Variants in CBLIF observed in about 807,000 individuals in gnomAD.
CBLIF encodes the protein gastric intrinsic factor (vitamin B synthesis).
A neutral mutation model predicts 44.9 loss-of-function variants in CBLIF; 24 were observed. The observed-to-expected ratio is 0.53, with a 90% confidence interval of 0.39 to 0.75. The LOEUF (loss-of-function observed/expected upper bound fraction) is 0.75. Among genes scored for constraint, CBLIF ranks in the 30% least tolerant of loss-of-function variants. CBLIF has a pLI of 0.00. For synonymous variants in CBLIF, 183 were observed against 190.9 expected (o/e 0.96, Z 0.34); for missense variants, 481 against 513.0 (o/e 0.94, Z 0.60).
intron 7 of CBLIF, among the ~76,000 whole-genome samples, chr11:59,834,271 T>G (rs1420887351): frequency 7.7e-6 from 1 of 130,198 alleles, no homozygotes; most frequent in Non-Finnish European, 1.6e-5. Context: ...TTTCTTTCTT[T>G]CTTTCTTTCT....
At chr11:59,842,411 T>G in intron 4 of CBLIF, 32 bp downstream of exon 4, 1 of 1,612,056 alleles carries the variant, frequency 6.2e-7, no homozygotes, top group Non-Finnish European at 8.5e-7. Context: ...GCCTCTGATG[T>G]TCCCAGCTCG....
chr11:59,834,280 C>A (rs1866417644), intron 7 of CBLIF, among the ~76,000 whole-genome samples: 1 of 135,630 alleles, frequency 7.4e-6, no homozygotes, highest in Non-Finnish European at 1.6e-5. Flanking sequence ...TTCTTTCTTT[C>A]TTTCTTTCTT....
chr11:59,831,465 T>C (rs1866372728), intron 8 of CBLIF: 1 of 207,036 alleles, frequency 4.8e-6, no homozygotes, highest in Non-Finnish European at 9.2e-6. Context: ...TTAATCTCTT[T>C]CTCTATGTAA....
rs760404861 is a variant in CBLIF at position 59,842,575 on chromosome 11, C to T, written c.379G>A (p.Ala127Thr). Residue 127 changes from alanine (A) to threonine (T), a missense_variant, in exon 4 of 9, where the codon GCT becomes ACT. Transcript: ENST00000257248. ...GGCCCATAGAAGGCTGATGCTTCAG[C>T]GTTGGGGCCTCCGAAGGGGATAGAG... ...MENWAPSSPN[A>T]EASAFYGPSL... 22 of 1,613,788 alleles carry T rather than the reference C, an allele frequency of 1.4e-5. No individual in the cohort carries two copies. The African/African-American group carries it at 1.7e-4, about 13-fold the overall frequency.
At chr11:59,839,709 G>A (rs1264991634) in intron 5 of CBLIF, among the ~76,000 whole-genome samples, 2 of 152,178 alleles carry the variant, frequency 1.3e-5, no homozygotes, top group African/African-American at 4.8e-5. Flanking sequence ...ATGGCCTGTG[G>A]TATTTGGATG....
chr11:59,829,847 T>C (rs1273243233), intron 8 of CBLIF, among the ~76,000 whole-genome samples: 3 of 152,180 alleles, frequency 2.0e-5, no homozygotes, highest in Non-Finnish European at 4.4e-5. Context: ...CTCTGAAGAG[T>C]TATTTTCAAA....
At chr11:59,843,419 T>G (rs971558720) in intron 2 of CBLIF, among the ~76,000 whole-genome samples, 2 of 152,234 alleles carry the variant, frequency 1.3e-5, no homozygotes, top group African/African-American at 2.4e-5. Flanking sequence ...TATAGATTTA[T>G]ATACAGAAAT....
At chr11:59,835,229 T>G (rs1866437469) in intron 7 of CBLIF, among the ~76,000 whole-genome samples, 1 of 150,582 alleles carries the variant, frequency 6.6e-6, no homozygotes, top group South Asian at 2.1e-4. Context: ...CACCGCAACC[T>G]CCGTCTCCCA....
intron 7 of CBLIF, among the ~76,000 whole-genome samples, chr11:59,832,158 G>A (rs527469302): frequency 6.6e-6 from 1 of 152,148 alleles, no homozygotes; most frequent in African/African-American, 2.4e-5. Flanking sequence ...CCATGTCTTT[G>A]CTATTGTGAA....
Sources: allele counts gnomAD v4.1 joint callset (sites outside exome capture counted in the v4.1 genomes callset), GRCh38; gene constraint gnomAD v4.1.1; transcripts MANE v1.5; gene names NCBI Gene and HGNC (gene_info 2026-07-23, HGNC 2026-07-21).